ANKRD55: variants seen among roughly 807,000 people sequenced by gnomAD.
ANKRD55 encodes the protein ankyrin repeat domain 55, also known as ankyrin repeat domain-containing protein 55.
ANKRD55 carries 41 observed loss-of-function variants against 60.6 expected under a neutral mutation model. That is an observed-to-expected ratio of 0.68 (90% CI 0.53 to 0.88). The LOEUF (loss-of-function observed/expected upper bound fraction) is 0.88, where lower values mean the gene tolerates loss of function less well. ANKRD55 is among the 40% of genes least tolerant of loss of function. ANKRD55 has a pLI of 0.00. For missense variants in ANKRD55, 732 were observed against 767.6 expected (o/e 0.95, Z 0.55); for synonymous variants, 264 against 290.3 (o/e 0.91, Z 0.92).
chr5:56,135,282 GC>G lies in ANKRD55; in HGVS notation c.613-8177del, dbSNP rs1561263906. 2.9e-3 allele frequency among the ~76,000 whole-genome samples: 150 copies of G among 52,562 alleles called. 3 individuals are homozygous for G. Among genetic ancestry groups the G allele is most frequent in the Admixed American group, 4.9e-3 (25 of 5,106 alleles). The allele number at this position is 52,562 out of a possible 152,430, so 34.5% of individuals were successfully genotyped here. A position where few individuals can be genotyped will look rare whatever the true frequency, so the allele number is the denominator to read the frequency against. ...TCCTTCTTTCCCTCCCTCCCTCCCT[GC>G]CTGCCTGCTTGCTTTCTTTCTTTCT... On this transcript the variant is annotated intron_variant, in intron 7 of 11. Transcript: ENST00000341048.
intron 7 of ANKRD55, among the ~76,000 whole-genome samples, chr5:56,132,304 G>T (rs1757441590): frequency 6.6e-6 from 1 of 151,856 alleles, no homozygotes; most frequent in Admixed American, 6.6e-5. Flanking sequence ...AACCACAAAA[G>T]GTGGAAGAAG....
intron 5 of ANKRD55, among the ~76,000 whole-genome samples, chr5:56,166,182 C>T (rs1758473725): frequency 1.7e-5 from 2 of 115,250 alleles, no homozygotes; most frequent in African/African-American, 4.6e-5. Context: ...TCCTTCCTTC[C>T]TTCCTTCCTT....
chr5:56,123,551 C>T (rs918734289), intron 8 of ANKRD55, among the ~76,000 whole-genome samples: 3 of 152,006 alleles, frequency 2.0e-5, no homozygotes, highest in Non-Finnish European at 2.9e-5. Context: ...TGAAACAGGA[C>T]GGGTCCCCAG....
At chr5:56,115,214 T>TAATG (rs1756851016) in intron 9 of ANKRD55, among the ~76,000 whole-genome samples, 1 of 144,640 alleles carries the variant, frequency 6.9e-6, no homozygotes, top group South Asian at 2.2e-4. Flanking sequence ...ATAATAATAA[T>TAATG]AATAAATAAA....
At chr5:56,164,265 C>T (rs546617196) in intron 5 of ANKRD55, among the ~76,000 whole-genome samples, 19 of 152,276 alleles carry the variant, frequency 1.2e-4, no homozygotes, top group South Asian at 6.2e-4. Context: ...TTTCCTGTTT[C>T]GCTGGCCCCT....
At chr5:56,218,807 CAGAG>C (rs144350160) in intron 2 of ANKRD55, among the ~76,000 whole-genome samples, 5 of 149,640 alleles carry the variant, frequency 3.3e-5, no homozygotes, top group South Asian at 2.1e-4. Context: ...GACACACACA[CAGAG>C]AGAGAGAGAG....
chr5:56,211,729 C>G (rs767854675), intron 2 of ANKRD55, among the ~76,000 whole-genome samples: 11 of 152,184 alleles, frequency 7.2e-5, no homozygotes, highest in Non-Finnish European at 1.5e-4. Context: ...TCTTTCCACC[C>G]TGTTGCACAA....
rs569831356 is a variant in ANKRD55 at position 56,116,669 on chromosome 5, T to C, written c.911A>G (p.Tyr304Cys). Residue 304 changes from tyrosine (Y) to cysteine (C), a missense_variant, in exon 9 of 12, where the codon TAT becomes TGT. Physicochemically the swap from Tyr to Cys is radical, Grantham distance 194. Around this residue, in one of 3 missense-constraint regions of ANKRD55, gnomAD observed 597 missense variants for 607.5 expected, o/e 0.98. Coordinates refer to ENST00000341048, the MANE Select transcript of ANKRD55 (RefSeq NM_024669.3). ...RDINESTPLA[Y>C]ALYCGHTACV... The stretch of plus-strand genomic sequence containing the variant: ...CGCCGTGTGACCGCAGTACAGGGCA[T>C]AGGCCAAGGGCGTGCTCTCATTGAT... 1.2e-6 allele frequency: 2 copies of C among 1,612,848 alleles called. No homozygotes were observed. Among genetic ancestry groups the C allele is most frequent in the Non-Finnish European group, 1.7e-6 (2 of 1,179,434 alleles).
chr5:56,210,862 C>A (rs1452545570), intron 2 of ANKRD55, among the ~76,000 whole-genome samples: 1 of 152,026 alleles, frequency 6.6e-6, no homozygotes, highest in African/African-American at 2.4e-5. Context: ...ATTCTGCAAT[C>A]AATTTTTTTC....
chr5:56,125,363 C>A (rs1016997617), intron 8 of ANKRD55, among the ~76,000 whole-genome samples: 1 of 151,886 alleles, frequency 6.6e-6, no homozygotes, highest in Non-Finnish European at 1.5e-5. Flanking sequence ...TCACTGCAAC[C>A]TCTGCCTCTT....
chr5:56,168,480 G>A (rs1758536225), intron 5 of ANKRD55, among the ~76,000 whole-genome samples: 2 of 152,086 alleles, frequency 1.3e-5, no homozygotes, highest in South Asian at 4.1e-4. Flanking sequence ...ACTTAGCAGT[G>A]GCCCCAAAGT....
intron 2 of ANKRD55, among the ~76,000 whole-genome samples, chr5:56,185,216 C>G (rs1308866347): frequency 6.6e-6 from 1 of 151,270 alleles, no homozygotes; most frequent in Non-Finnish European, 1.5e-5. Flanking sequence ...GAGCGAGACT[C>G]TGTCTCAAAA....
At chr5:56,232,831 A>G in intron 2 of ANKRD55, 25 bp downstream of exon 2, 1 of 1,610,988 alleles carries the variant, frequency 6.2e-7, no homozygotes, top group Non-Finnish European at 8.5e-7. Context: ...TAACAACCAA[A>G]GAATGTGTTA....
intron 5 of ANKRD55, among the ~76,000 whole-genome samples, chr5:56,166,087 T>TTTCTTTCTTTCTTTCTTTCTTTC (rs1758445563): frequency 1.6e-4 from 2 of 12,554 alleles, no homozygotes; most frequent in Non-Finnish European, 4.6e-4. Flanking sequence ...TTCTTTTCTT[T>TTTCTTTCTTTCTTTCTTTCTTTC]TTCTTTCTTT....
At chr5:56,223,131 C>T (rs1361669719) in intron 2 of ANKRD55, among the ~76,000 whole-genome samples, 1 of 152,140 alleles carries the variant, frequency 6.6e-6, no homozygotes, top group Admixed American at 6.5e-5. Context: ...CAAAGGGAAG[C>T]CCATCAAACC....
intron 2 of ANKRD55, among the ~76,000 whole-genome samples, chr5:56,229,055 G>A (rs1408078179): frequency 4.0e-5 from 6 of 150,256 alleles, no homozygotes; most frequent in African/African-American, 1.5e-4. Context: ...GAGGCCCTGA[G>A]GCTACCCATC....
chr5:56,232,012 T>A (rs1212451883), intron 2 of ANKRD55, among the ~76,000 whole-genome samples: 1 of 152,182 alleles, frequency 6.6e-6, no homozygotes, highest in Non-Finnish European at 1.5e-5. Context: ...ATTCAGAGAC[T>A]GTAGAAAGTG....
intron 2 of ANKRD55, among the ~76,000 whole-genome samples, chr5:56,228,131 C>T (rs1230136349): frequency 6.6e-6 from 1 of 152,092 alleles, no homozygotes; most frequent in Non-Finnish European, 1.5e-5. Context: ...TGTGGCTATT[C>T]CCTTACATGG....
At chr5:56,202,353 A>G (rs1345445458) in intron 2 of ANKRD55, among the ~76,000 whole-genome samples, 1 of 152,078 alleles carries the variant, frequency 6.6e-6, no homozygotes, top group Non-Finnish European at 1.5e-5. Context: ...TGTTATTATT[A>G]TCCAAATTAC....
Sources: gnomAD v4.1 joint callset for allele counts (sites outside exome capture counted in the v4.1 genomes callset) on GRCh38, gnomAD v4.1.1 for gene constraint, gnomAD v4.1.1 regional missense constraint, MANE v1.5 for transcripts, NCBI Gene and HGNC (gene_info 2026-07-23, HGNC 2026-07-21) for gene names.